Variants in ABCA13 observed in about 807,000 individuals in gnomAD.
ABCA13 encodes ATP binding cassette subfamily A member 13, also known as ATP-binding cassette sub-family A member 13.
Under a neutral mutation model 478.7 loss-of-function variants are expected in ABCA13, and 476 were observed. The ratio of observed to expected loss-of-function variants is 0.99; its 90% CI spans 0.92 to 1.07. ABCA13 has a LOEUF of 1.07. Among genes scored for constraint, ABCA13 ranks in the 50% least tolerant of loss-of-function variants. The pLI, the probability that ABCA13 is intolerant of heterozygous loss-of-function variation, is 0.00. For missense variants in ABCA13, 6,060 were observed against 5,910.6 expected, an observed-to-expected ratio of 1.03 and a Z score of -0.83; for synonymous variants, 2,252 against 2,158.9, an observed-to-expected ratio of 1.04 and a Z score of -1.20.
chr7:48,576,277 A>G (rs796922976), intron 55 of ABCA13, among the ~76,000 whole-genome samples: 15 of 152,262 alleles, frequency 9.9e-5, no homozygotes, highest in African/African-American at 3.4e-4. Flanking sequence ...AGAAGTCACC[A>G]TATGAGGCCA....
intron 58 of ABCA13, among the ~76,000 whole-genome samples, chr7:48,606,222 T>C (rs188736591): frequency 7.9e-5 from 12 of 152,330 alleles, no homozygotes; most frequent in Admixed American, 7.8e-4. Context: ...TGTCCGTTCG[T>C]CAAACTTATT....
At chr7:48,282,840 A>G (rs1427527153) in intron 19 of ABCA13, among the ~76,000 whole-genome samples, 1 of 152,136 alleles carries the variant, frequency 6.6e-6, no homozygotes, top group Non-Finnish European at 1.5e-5. Context: ...TCTCTTCTAC[A>G]GTTGTGAGAA....
chr7:48,238,139 C>T (rs915502270), intron 8 of ABCA13, among the ~76,000 whole-genome samples: 4 of 152,180 alleles, frequency 2.6e-5, no homozygotes, highest in Non-Finnish European at 1.5e-5. Flanking sequence ...AGAAATTTAT[C>T]TTGGTGTGTC....
intron 1 of ABCA13, among the ~76,000 whole-genome samples, chr7:48,185,368 T>A (rs1399889497): frequency 6.6e-6 from 1 of 152,216 alleles, no homozygotes; most frequent in Non-Finnish European, 1.5e-5. Flanking sequence ...TGATGAAAAT[T>A]GTCTCAAGTA....
rs1302305021 is a variant in ABCA13, at chr7:48,455,124, G to C, written c.12653G>C (p.Arg4218Pro). ...GCGATCCTGGCCCGGAGGCTCCGCCGCACGCTGCGCGCCGGGAAGAGCACC... is the reference window on the plus strand; with the variant it reads ...GCGATCCTGGCCCGGAGGCTCCGCCCCACGCTGCGCGCCGGGAAGAGCACC... The part of the protein sequence containing the change: ...VAAILARRLR[R>P]TLRAGKSTLA... The change falls in exon 43 of 62, where the codon CGC becomes CCC. Residue 4218 changes from arginine to proline, a missense_variant. Coordinates refer to ENST00000435803, the MANE Select transcript of ABCA13 (RefSeq NM_152701.5). 17 of 1,563,562 alleles carry C rather than the reference G, an allele frequency of 1.1e-5. No homozygotes were observed. Among genetic ancestry groups the C allele is most frequent in the Admixed American group, 1.9e-5 (1 of 52,962 alleles).
intron 38 of ABCA13, among the ~76,000 whole-genome samples, chr7:48,392,851 T>G (rs1318232724): frequency 6.6e-6 from 1 of 152,228 alleles, no homozygotes; most frequent in African/African-American, 2.4e-5. Flanking sequence ...CAGGTCATGT[T>G]GACTAACTGG....
intron 8 of ABCA13, 30 bp from the exon 9 acceptor site, chr7:48,239,211 T>C (rs527973661): frequency 7.4e-6 from 12 of 1,611,444 alleles, no homozygotes; most frequent in South Asian, 1.1e-5. Flanking sequence ...AGGAGCTTTA[T>C]GTCTAAATAT....
intron 59 of ABCA13, chr7:48,627,175 A>C (rs760355800): frequency 1.2e-4 from 72 of 577,020 alleles, no homozygotes; most frequent in Non-Finnish European, 1.4e-4. Flanking sequence ...AGAAACTGAG[A>C]CCTAAAGAAT....
chr7:48,198,160 T>C, intron 2 of ABCA13, 77 bp from the exon 3 acceptor site: 1 of 1,400,738 alleles, frequency 7.1e-7, no homozygotes, highest in Non-Finnish European at 9.6e-7. Flanking sequence ...TGTTATATAT[T>C]ACAATTTCAA....
chr7:48,499,085 C>T (rs1247131700), intron 48 of ABCA13, among the ~76,000 whole-genome samples: 5 of 152,026 alleles, frequency 3.3e-5, no homozygotes, highest in Non-Finnish European at 5.9e-5. Context: ...TTATTCTTTA[C>T]CCTATTTAAA....
chr7:48,295,984 TTAA>T, intron 21 of ABCA13, 121 bp downstream of exon 21: 1 of 1,186,178 alleles, frequency 8.4e-7, no homozygotes, highest in Non-Finnish European at 1.1e-6. Flanking sequence ...AATGTGCATA[TTAA>T]TATATATTTT....
At chr7:48,247,739 G>A (rs1298286031) in intron 13 of ABCA13, among the ~76,000 whole-genome samples, 2 of 152,036 alleles carry the variant, frequency 1.3e-5, no homozygotes, top group Non-Finnish European at 2.9e-5. Context: ...CTTTCAGCAG[G>A]GTAGCCAGAC....
At chr7:48,537,498 A>G (rs1833664688) in intron 55 of ABCA13, among the ~76,000 whole-genome samples, 1 of 152,188 alleles carries the variant, frequency 6.6e-6, no homozygotes, top group African/African-American at 2.4e-5. Flanking sequence ...AGCACACCTG[A>G]ACAAGGGAGG....
chr7:48,275,545 A>G lies in ABCA13; in HGVS notation c.5879A>G (p.Lys1960Arg), dbSNP rs201808331. 12 of 1,613,850 alleles carry G rather than the reference A, an allele frequency of 7.4e-6. No homozygotes were observed. The African/African-American group carries it at 1.5e-4, about 20-fold the overall frequency. The change falls in exon 17 of 62, where the codon AAA becomes AGA. Residue 1960 changes from lysine to arginine, a missense_variant. Transcript: ENST00000435803. The part of the protein sequence containing the change: ...QVALQIIEKL[K>R]NVNFTKVTSG... ...GCTTTGCAAATCATAGAAAAACTTA[A>G]AAATGTCAACTTTACAAAAGTTACA... is the stretch of plus-strand genomic sequence containing the variant.
chr7:48,240,078 G>A (rs531303649), intron 9 of ABCA13, among the ~76,000 whole-genome samples: 1 of 152,292 alleles, frequency 6.6e-6, no homozygotes, highest in East Asian at 1.9e-4. Context: ...TCTGTCTCAT[G>A]TTTTTCCTTA....
At chr7:48,262,006 C>T (rs147728916) in intron 15 of ABCA13, among the ~76,000 whole-genome samples, 1,576 of 151,956 alleles carry the variant, frequency 0.01, 27 homozygotes, top group African/African-American at 0.035. Flanking sequence ...TTAGGTGGTT[C>T]AATTTCTCCA....
intron 43 of ABCA13, among the ~76,000 whole-genome samples, chr7:48,464,187 C>T (rs1826614742): frequency 6.6e-6 from 1 of 152,024 alleles, no homozygotes; most frequent in African/African-American, 2.4e-5. Context: ...TAAAATATAG[C>T]CAGGAGTTTG....
At position 48,615,379 on chromosome 7, in the gene ABCA13, T is replaced by G. The variant is rs965847052; in HGVS notation, c.14837+2T>G. The G allele has an allele frequency of 6.4e-7, 1 of 1,558,904 alleles. No homozygotes were observed. Among genetic ancestry groups the G allele is most frequent in the Non-Finnish European group, 8.7e-7 (1 of 1,149,984 alleles). On this transcript the variant is annotated splice_donor_variant, in intron 59 of 61. Coordinates refer to ENST00000435803, the MANE Select transcript of ABCA13 (RefSeq NM_152701.5). LOFTEE classifies it high-confidence loss of function. ...TTCTCCTCAGCACATCAAAAATAGG[T>G]GCGTTGAAGTTCTCCTTTTGCTTAG...
intron 44 of ABCA13, among the ~76,000 whole-genome samples, chr7:48,471,238 C>T (rs936465019): frequency 6.6e-6 from 1 of 152,164 alleles, no homozygotes; most frequent in African/African-American, 2.4e-5. Flanking sequence ...CCTCAGTTTC[C>T]ACCAGGAGCC....
Sources: allele counts gnomAD v4.1 joint callset (sites outside exome capture counted in the v4.1 genomes callset), GRCh38; gene constraint gnomAD v4.1.1; transcripts MANE v1.5; gene names NCBI Gene and HGNC (gene_info 2026-07-23, HGNC 2026-07-21).